Variants in PNO1 observed in about 807,000 individuals in gnomAD.
PNO1 encodes the protein RNA-binding protein PNO1.
A neutral mutation model predicts 28.4 loss-of-function variants in PNO1; 16 were observed. That is an observed-to-expected ratio of 0.56 (90% CI 0.38 to 0.85). The LOEUF (loss-of-function observed/expected upper bound fraction) is 0.85. PNO1 is among the 40% of genes least tolerant of loss of function. The probability of loss-of-function intolerance (pLI) is 0.00; values close to 1 mark genes in which losing one functional copy is unlikely to be tolerated. For missense variants in PNO1, 304 were observed against 312.2 expected (o/e 0.97, Z 0.20); for synonymous variants, 115 against 110.8 (o/e 1.04, Z -0.24).
At chr2:68,162,380 C>G (rs1247224247) in intron 4 of PNO1, 55 bp downstream of exon 4, 2 of 1,367,922 alleles carry the variant, frequency 1.5e-6, no homozygotes, top group Non-Finnish European at 2.1e-6. Context: ...TGTGATGTGA[C>G]TCTCAGTTTT....
At chr2:68,164,418 A>G (rs1038141963) in intron 5 of PNO1, among the ~76,000 whole-genome samples, 1 of 152,100 alleles carries the variant, frequency 6.6e-6, no homozygotes, top group Non-Finnish European at 1.5e-5. Flanking sequence ...CTGAGCCCAG[A>G]AGGTTGAAGC....
At chr2:68,169,945 A>C (rs994850633) in intron 5 of PNO1, among the ~76,000 whole-genome samples, 1 of 152,196 alleles carries the variant, frequency 6.6e-6, no homozygotes. Context: ...GTCACAGTAG[A>C]TGGACTTTTG....
chr2:68,172,750 C>T (rs558578703), intron 5 of PNO1, among the ~76,000 whole-genome samples: 6 of 152,240 alleles, frequency 3.9e-5, no homozygotes, highest in South Asian at 4.1e-4. Flanking sequence ...TCTCCTCATC[C>T]GTAAAACAGG....
chr2:68,173,385 T>C lies in PNO1; in HGVS notation c.659T>C (p.Met220Thr), dbSNP rs375631838. 1 of 1,607,618 alleles carries C rather than the reference T, an allele frequency of 6.2e-7. No individual in the cohort carries two copies. The highest frequency in any genetic ancestry group is 8.5e-7 in the Non-Finnish European group (1 of 1,174,352). Residue 220 changes from methionine to threonine, a missense_variant, in exon 6 of 7, where the codon ATG becomes ACG. Coordinates refer to ENST00000263657, the MANE Select transcript of PNO1 (RefSeq NM_020143.4). ...HILGSFQNIK[M>T]ARTAICNLIL... ...CTTGGCTCCTTCCAAAATATCAAGATGGCAAGAACTGCCATTTGCAACCTA... is the reference window on the plus strand; with the variant it reads ...CTTGGCTCCTTCCAAAATATCAAGACGGCAAGAACTGCCATTTGCAACCTA...
Position 68,162,648 on chromosome 2 carries a change from TA to T in PNO1, c.606del (p.Ile202MetfsTer6). Reference sequence around the variant, plus strand: ...ATAGAGAATGTGACACGGACAAGGATAGTTTTGGCTGATGTGTAAGTATCTG... The same window carrying T: ...ATAGAGAATGTGACACGGACAAGGATGTTTTGGCTGATGTGTAAGTATCTG... Reference protein sequence around the residue: ...FTIENVTRTRIVLADVKVHIL... With the variant: ...FTIENVTRTRXVLADVKVHIL... On this transcript the variant is annotated frameshift_variant, in exon 5 of 7. Transcript: ENST00000263657. LOFTEE classifies it high-confidence loss of function. The T allele has an allele frequency of 6.2e-7, 1 of 1,605,046 alleles. No homozygotes were observed.
intron 2 of PNO1, among the ~76,000 whole-genome samples, chr2:68,160,045 T>C (rs1044714915): frequency 8.8e-5 from 13 of 148,370 alleles, no homozygotes; most frequent in African/African-American, 3.3e-4. Flanking sequence ...CTCGGCTCAC[T>C]GCAAGCTCCG....
At chr2:68,162,725 A>T (rs968651041) in intron 5 of PNO1, 62 bp downstream of exon 5, 54 of 1,067,844 alleles carry the variant, frequency 5.1e-5, no homozygotes, top group Non-Finnish European at 1.0e-5. Context: ...TGTTTTAAGA[A>T]AGTCATAACA....
At chr2:68,171,979 A>G (rs1674142990) in intron 5 of PNO1, among the ~76,000 whole-genome samples, 1 of 151,996 alleles carries the variant, frequency 6.6e-6, no homozygotes, top group Non-Finnish European at 1.5e-5. Flanking sequence ...AATCGAAATT[A>G]TGGGGGGGTT....
Position 68,158,541 on chromosome 2 carries a change from C to T in PNO1, c.357+12C>T. 6.2e-7 allele frequency: 1 copy of T among 1,607,466 alleles called. No homozygotes were observed. Among genetic ancestry groups the T allele is most frequent in the Non-Finnish European group, 8.5e-7 (1 of 1,176,880 alleles). The stretch of plus-strand genomic sequence containing the variant: ...ATGTAGAAATCAGGGTAAGGAAAAT[C>T]TCAATCATTTCCCAATACACCAGGC... On this transcript the variant is annotated intron_variant, in intron 2 of 6. Coordinates refer to ENST00000263657, the MANE Select transcript of PNO1 (RefSeq NM_020143.4).
intron 5 of PNO1, among the ~76,000 whole-genome samples, chr2:68,165,404 G>C (rs1673963847): frequency 6.8e-6 from 1 of 147,342 alleles, no homozygotes; most frequent in South Asian, 2.1e-4. Context: ...AAACTAGCTG[G>C]GTGTGGTGGC....
rs1222432360 is a variant in PNO1 at position 68,157,944 on chromosome 2, G to A, written c.10G>A (p.Glu4Lys). The A allele has an allele frequency of 6.2e-7, 1 of 1,613,864 alleles. No individual in the cohort carries two copies. The highest frequency in any genetic ancestry group is 8.5e-7 in the Non-Finnish European group (1 of 1,179,986). MES[E>K]METQSARAEE... Reference sequence around the variant, plus strand: ...TTTAAGATTTCCGGGGATGGAATCCGAAATGGAAACGCAGAGCGCCAGGGC... The same window carrying A: ...TTTAAGATTTCCGGGGATGGAATCCAAAATGGAAACGCAGAGCGCCAGGGC... Residue 4 changes from glutamate (E) to lysine (K), a missense_variant, in exon 1 of 7, where the codon GAA becomes AAA. Glu to Lys is a moderately conservative substitution (Grantham distance 56). Transcript: ENST00000263657.
At chr2:68,171,469 C>T (rs1299258684) in intron 5 of PNO1, among the ~76,000 whole-genome samples, 1 of 152,206 alleles carries the variant, frequency 6.6e-6, no homozygotes, top group Non-Finnish European at 1.5e-5. Context: ...AGTTCCATCT[C>T]CTCCATCTGC....
chr2:68,170,058 G>A (rs1674087742), intron 5 of PNO1, among the ~76,000 whole-genome samples: 1 of 152,156 alleles, frequency 6.6e-6, no homozygotes, highest in South Asian at 2.1e-4. Flanking sequence ...GAAATTAAGA[G>A]ATGTACTATC....
intron 2 of PNO1, among the ~76,000 whole-genome samples, chr2:68,159,964 ATTT>A (rs1206527655): frequency 8.6e-5 from 10 of 116,918 alleles, no homozygotes; most frequent in Non-Finnish European, 1.2e-4. Flanking sequence ...ACAAAAAAAA[ATTT>A]TTTTTTTTTT....
At chr2:68,170,325 T>C (rs1240711737) in intron 5 of PNO1, among the ~76,000 whole-genome samples, 8 of 152,310 alleles carry the variant, frequency 5.3e-5, no homozygotes, top group African/African-American at 1.9e-4. Flanking sequence ...TTTCCAACTA[T>C]TGCCCCATTA....
In PNO1 at chr2:68,175,780, C is replaced by T. The variant is rs905185355; in HGVS notation, c.*978C>T. On this transcript the variant is annotated 3_prime_UTR_variant, in exon 7 of 7. Coordinates refer to ENST00000263657, the MANE Select transcript of PNO1 (RefSeq NM_020143.4). ...ACCAATGTTGGGTATACAGATGCTT[C>T]TCAACTTATGATGGGTTTAGGTCCA... 4 of 152,220 alleles carry T rather than the reference C, an allele frequency of 2.6e-5. No individual in the cohort carries two copies. 9.4% of individuals were successfully genotyped at this position (152,220 alleles called of 1,614,324 possible).
chr2:68,158,252 C>A, intron 1 of PNO1, 111 bp downstream of exon 1: 2 of 1,373,230 alleles, frequency 1.5e-6, no homozygotes, highest in South Asian at 1.4e-5. Context: ...CCGTGATGCT[C>A]AGAGAGAAGT....
At chr2:68,172,875 ATTCT>A (rs1033090182) in intron 5 of PNO1, among the ~76,000 whole-genome samples, 16 of 152,130 alleles carry the variant, frequency 1.1e-4, no homozygotes, top group African/African-American at 2.7e-4. Context: ...TTTTCAAACA[ATTCT>A]TTGTCTTTTC....
Position 68,175,062 on chromosome 2 carries a change from G to T in PNO1, c.*260G>T. 2.9e-6 allele frequency: 1 copy of T among 344,822 alleles called. No homozygotes were observed. The highest frequency in any genetic ancestry group is 6.4e-5 in the South Asian group (1 of 15,704). The allele number at this position is 344,822 out of a possible 1,614,324, so 21.4% of individuals were successfully genotyped here. A position where few individuals can be genotyped will look rare whatever the true frequency, so the allele number is the denominator to read the frequency against. ...ATTTATCATTTATCTGAAATCACAT[G>T]TAGCAGATTGCATAGTCTGTAATCC... On this transcript the variant is annotated 3_prime_UTR_variant, in exon 7 of 7. Coordinates refer to ENST00000263657, the MANE Select transcript of PNO1 (RefSeq NM_020143.4).
Sources: allele counts gnomAD v4.1 joint callset (sites outside exome capture counted in the v4.1 genomes callset), GRCh38; gene constraint gnomAD v4.1.1; transcripts MANE v1.5; gene names NCBI Gene and HGNC (gene_info 2026-07-23, HGNC 2026-07-21).